Variants in COPE observed in about 807,000 individuals in gnomAD.
The protein encoded by COPE is coat protein complex I subunit epsilon, also known as coatomer subunit epsilon.
Under a neutral mutation model 42.1 loss-of-function variants are expected in COPE, and 19 were observed. The observed-to-expected ratio is 0.45, with a 90% CI of 0.31 to 0.66. The LOEUF (loss-of-function observed/expected upper bound fraction) is 0.66. Ranked by LOEUF, COPE falls within the 30% of genes least tolerant of loss-of-function variation. COPE has a pLI of 0.05. For synonymous variants in COPE, 195 were observed against 181.3 expected, an observed-to-expected ratio of 1.08 and a Z score of -0.60; for missense variants, 402 against 416.1, an observed-to-expected ratio of 0.97 and a Z score of 0.30.
intron 7 of COPE, among the ~76,000 whole-genome samples, chr19:18,901,794 T>C (rs1478063799): frequency 2.0e-5 from 3 of 152,206 alleles, no homozygotes; most frequent in Admixed American, 6.5e-5. Flanking sequence ...TAGCCACGCA[T>C]GGTGGCATAC....
intron 2 of COPE, among the ~76,000 whole-genome samples, chr19:18,912,725 T>G (rs1601231221): frequency 7.5e-6 from 1 of 133,262 alleles, no homozygotes. Flanking sequence ...TACGACAGAG[T>G]GAGACTCCGT....
At chr19:18,918,017 C>T (rs2056870370) in intron 1 of COPE, among the ~76,000 whole-genome samples, 1 of 151,206 alleles carries the variant, frequency 6.6e-6, no homozygotes, top group Non-Finnish European at 1.5e-5. Flanking sequence ...GGTGAAACCC[C>T]GTCTCTACTA....
intron 6 of COPE, among the ~76,000 whole-genome samples, chr19:18,903,814 A>T (rs544605754): frequency 1.3e-5 from 2 of 152,354 alleles, no homozygotes; most frequent in African/African-American, 4.8e-5. Context: ...TCAGAACAGC[A>T]GAACACTTGC....
chr19:18,900,552 A>AG, intron 7 of COPE, 103 bp from the exon 8 acceptor site: 1 of 868,282 alleles, frequency 1.2e-6, no homozygotes, highest in Non-Finnish European at 1.8e-6. Context: ...TCACCTCCTC[A>AG]GAGGTGGGGT....
chr19:18,902,684 A>G (rs1275966911), intron 7 of COPE, among the ~76,000 whole-genome samples: 3 of 84,146 alleles, frequency 3.6e-5, no homozygotes, highest in Non-Finnish European at 6.8e-5. Flanking sequence ...AAAAAAGAAG[A>G]AAGGAAAGGA....
rs144263715 is a variant in COPE at position 18,907,004 on chromosome 19, C to G, written c.399G>C (p.Pro133=). Residue 133 remains proline (P), a synonymous_variant, in exon 4 of 10, where the codon CCG becomes CCC. Coordinates refer to ENST00000262812, the MANE Select transcript of COPE (RefSeq NM_007263.4). The stretch of plus-strand genomic sequence containing the variant: ...GGTGCAGCGCACGCAGGGCGGCATC[C>G]GGGTTCTGGTCGTGGAGATAGATGG... ...AASIYLHDQN[P]DAALRALHQG... is the part of the protein sequence containing the mutation. 1 of 1,587,692 alleles carries G rather than the reference C, an allele frequency of 6.3e-7. No homozygotes were observed. The highest frequency in any genetic ancestry group is 8.6e-7 in the Non-Finnish European group (1 of 1,167,438).
At chr19:18,913,562 G>A (rs562175388) in intron 1 of COPE, among the ~76,000 whole-genome samples, 6 of 152,034 alleles carry the variant, frequency 3.9e-5, no homozygotes, top group Admixed American at 3.3e-4. Flanking sequence ...ATCCATTTTG[G>A]GATGATAATG....
At chr19:18,910,889 G>T in intron 3 of COPE, 82 bp downstream of exon 3, 1 of 1,234,130 alleles carries the variant, frequency 8.1e-7, no homozygotes. Context: ...TGCACGCCAT[G>T]CCCCCACCCA....
At chr19:18,918,191 A>T (rs1568324875) in intron 1 of COPE, among the ~76,000 whole-genome samples, 4 of 147,794 alleles carry the variant, frequency 2.7e-5, no homozygotes. Context: ...CCATCTCAAA[A>T]AAAAAAAAAA....
intron 3 of COPE, among the ~76,000 whole-genome samples, chr19:18,907,656 G>A (rs1007456081): frequency 1.3e-5 from 2 of 152,212 alleles, no homozygotes; most frequent in African/African-American, 4.8e-5. Flanking sequence ...GCTGAGGACC[G>A]GCTCAGCTCC....
At chr19:18,900,592 G>T in intron 7 of COPE, 143 bp from the exon 8 acceptor site, 1 of 618,718 alleles carries the variant, frequency 1.6e-6, no homozygotes, top group Non-Finnish European at 2.9e-6. Flanking sequence ...GCTCTGCAAG[G>T]TGGAGATCTC....
Position 18,900,414 on chromosome 19 carries a change from G to A in COPE, c.771C>T (p.Ile257=), listed in dbSNP as rs200806223. 6.2e-5 allele frequency: 96 copies of A among 1,549,388 alleles called. No individual in the cohort carries two copies. The highest frequency in any genetic ancestry group is 7.2e-5 in the Non-Finnish European group (82 of 1,146,118). Reference sequence around the variant, plus strand: ...GCTTGCCCAGGTGCTGGGACAGGACGATGAGGTTGACCAGCGTCTCTGGGT... The same window carrying A: ...GCTTGCCCAGGTGCTGGGACAGGACAATGAGGTTGACCAGCGTCTCTGGGT... ...SGYPETLVNL[I]VLSQHLGKPP... Residue 257 remains isoleucine, a synonymous_variant, in exon 8 of 10, where the codon ATC becomes ATT. Transcript: ENST00000262812.
chr19:18,904,960 CTT>C (rs2056744814), intron 5 of COPE, 108 bp from the exon 6 acceptor site: 1 of 1,090,418 alleles, frequency 9.2e-7, no homozygotes, highest in Non-Finnish European at 1.4e-6. Flanking sequence ...ATGGCCCCTG[CTT>C]TGTGCTCCAC....
Position 18,901,182 on chromosome 19 carries a change from C to T in COPE, c.736-733G>A, listed in dbSNP as rs2056695052. ...GGTGACCACAGCCACGGGGAGGCCA[C>T]CAGGGCCAAGGGGCACGGCCAGCCA... is the stretch of plus-strand genomic sequence containing the variant. On this transcript the variant is annotated intron_variant, in intron 7 of 9. Coordinates refer to ENST00000262812, the MANE Select transcript of COPE (RefSeq NM_007263.4). Among the ~76,000 whole-genome samples, 4 of 152,176 alleles carry T rather than the reference C, an allele frequency of 2.6e-5. No individual in the cohort carries two copies. The South Asian group carries it at 8.3e-4, about 32-fold the overall frequency.
chr19:18,912,207 C>T (rs919791591), intron 2 of COPE, among the ~76,000 whole-genome samples: 2 of 151,946 alleles, frequency 1.3e-5, no homozygotes, highest in Admixed American at 6.6e-5. Context: ...AGTGCAATGG[C>T]GTGATCACGG....
chr19:18,911,140 G>T, intron 2 of COPE, 69 bp from the exon 3 acceptor site: 1 of 1,433,992 alleles, frequency 7.0e-7, no homozygotes, highest in Non-Finnish European at 9.8e-7. Context: ...CAGCTTGGCA[G>T]GGAGAGCCCC....
Position 18,905,597 on chromosome 19 carries a change from A to C in COPE, c.476T>G (p.Leu159Arg), listed in dbSNP as rs754361016. Residue 159 changes from leucine (L) to arginine (R), a missense_variant, in exon 5 of 10, where the codon CTG (leucine) becomes CGG (arginine). Leu to Arg is a moderately radical substitution (Grantham distance 102). Transcript: ENST00000262812. ...TCACCGGGCGAGGTCCAGGCGGTCC[A>C]GCTTCAGCAGGATCTGCACTGTCAT... ...TAMTVQILLK[L>R]DRLDLARKEL... 1 of 1,593,354 alleles carries C rather than the reference A, an allele frequency of 6.3e-7. No homozygotes were observed. The highest frequency in any genetic ancestry group is 1.3e-5 in the African/African-American group (1 of 74,848).
intron 1 of COPE, among the ~76,000 whole-genome samples, chr19:18,915,945 C>A (rs533994101): frequency 6.6e-6 from 1 of 152,358 alleles, no homozygotes; most frequent in African/African-American, 2.4e-5. Context: ...GGTGCTCTCC[C>A]TGGGGCCACC....
At position 18,903,427 on chromosome 19, in the gene COPE, C is replaced by A; in HGVS notation, c.580-4G>T. 3 of 1,603,552 alleles carry A rather than the reference C, an allele frequency of 1.9e-6. No homozygotes were observed. Among genetic ancestry groups the A allele is most frequent in the South Asian group, 1.1e-5 (1 of 89,600 alleles). Reference sequence around the variant, plus strand: ...CATCCTGCAGCTTCTCACCACCCTGCAGGGAGGGTCCCGCATCATTGCCTG... The same window carrying A: ...CATCCTGCAGCTTCTCACCACCCTGAAGGGAGGGTCCCGCATCATTGCCTG... On this transcript the variant is annotated splice_polypyrimidine_tract_variant and splice_region_variant and intron_variant, in intron 6 of 9. Coordinates refer to ENST00000262812, the MANE Select transcript of COPE (RefSeq NM_007263.4).
Sources: gnomAD v4.1 joint callset for allele counts (sites outside exome capture counted in the v4.1 genomes callset) on GRCh38, gnomAD v4.1.1 for gene constraint, MANE v1.5 for transcripts, NCBI Gene and HGNC (gene_info 2026-07-23, HGNC 2026-07-21) for gene names.